The following TRERF1 variants were observed in gnomAD, a reference collection of about 807,000 sequenced individuals.
TRERF1 encodes transcriptional regulating factor 1.
A neutral mutation model predicts 122.9 loss-of-function variants in TRERF1; 27 were observed. The ratio of observed to expected loss-of-function variants is 0.22; its 90% confidence interval spans 0.16 to 0.30. The LOEUF is 0.30. Among genes scored for constraint, TRERF1 ranks in the 10% least tolerant of loss-of-function variants. The pLI, the probability that TRERF1 is intolerant of heterozygous loss-of-function variation, is 1.00. For missense variants in TRERF1, 1,248 were observed against 1,560.3 expected (o/e 0.80, Z 3.37); for synonymous variants, 636 against 641.7 (o/e 0.99, Z 0.13).
At chr6:42,230,808 C>T (rs767208918) in intron 17 of TRERF1, among the ~76,000 whole-genome samples, 4 of 152,148 alleles carry the variant, frequency 2.6e-5, no homozygotes, top group Non-Finnish European at 5.9e-5. Context: ...TTCCAGTTCA[C>T]TTTGGTGGGT....
downstream of TRERF1, chr6:42,224,942 A>G (rs1399700730): frequency 6.6e-6 from 1 of 152,218 alleles, no homozygotes; most frequent in Non-Finnish European, 1.5e-5. Flanking sequence ...AACGCAAAAG[A>G]TTAATATTTT....
intron 3 of TRERF1, among the ~76,000 whole-genome samples, chr6:42,336,133 T>C (rs1188841583): frequency 6.6e-6 from 1 of 152,174 alleles, no homozygotes; most frequent in African/African-American, 2.4e-5. Context: ...AAGGCCTGTT[T>C]TGTGCTGCAG....
chr6:42,393,299 A>G lies in TRERF1; in HGVS notation c.-453-30220T>C, dbSNP rs1778063836. On this transcript the variant is annotated intron_variant, in intron 2 of 17. Coordinates refer to ENST00000372922, the Ensembl canonical transcript of TRERF1. This position sits in a 1 kb window ranked among gnomAD's most constrained non-coding sequence, Gnocchi z 4.1. ...GCAGATAAATAAACTGGGTTTCAAAAAAGTACCACAAATTTTTCACTGTCA... is the reference window on the plus strand; with the variant it reads ...GCAGATAAATAAACTGGGTTTCAAAGAAGTACCACAAATTTTTCACTGTCA... 1.3e-5 allele frequency among the ~76,000 whole-genome samples: 2 copies of G among 152,214 alleles called. No individual in the cohort carries two copies. The highest frequency in any genetic ancestry group is 1.9e-4 in the East Asian group (1 of 5,196).
chr6:42,430,929 C>T (rs1784404407), intron 2 of TRERF1, among the ~76,000 whole-genome samples: 2 of 140,918 alleles, frequency 1.4e-5, no homozygotes, highest in African/African-American at 5.4e-5. Context: ...GGTGTTGTGG[C>T]AGGCAACTGA....
At chr6:42,451,002 GAGGGAAGA>G (rs1387038278) in intron 2 of TRERF1, among the ~76,000 whole-genome samples, 167 bp downstream of exon 2, 3 of 152,084 alleles carry the variant, frequency 2.0e-5, no homozygotes, top group South Asian at 2.1e-4. Flanking sequence ...GCAGCCCGGA[GAGGGAAGA>G]AGGGAAGAAG....
In TRERF1 at chr6:42,259,616, C is replaced by T. The variant is rs922556217; in HGVS notation, c.1992G>A (p.Pro664=). Reference sequence around the variant, plus strand: ...GGTTCGGGTTGTAGGAGGGCGGCGGCGGGATGAAGAGAGGTTCCGGCCGGT... The same window carrying T: ...GGTTCGGGTTGTAGGAGGGCGGCGGTGGGATGAAGAGAGGTTCCGGCCGGT... Residue 664 remains proline, a synonymous_variant, in exon 9 of 18, where the codon CCG becomes CCA. Transcript: ENST00000372922. The surrounding 1 kb of genome is among the most constrained non-coding windows in gnomAD (Gnocchi z 4.9). 6.2e-6 allele frequency: 10 copies of T among 1,613,546 alleles called. No homozygotes were observed. The highest frequency in any genetic ancestry group is 8.5e-6 in the Non-Finnish European group (10 of 1,179,942).
chr6:42,364,780 C>T (rs995853422), intron 2 of TRERF1, among the ~76,000 whole-genome samples: 1 of 152,128 alleles, frequency 6.6e-6, no homozygotes, highest in South Asian at 2.1e-4. Flanking sequence ...GCTATGTTAG[C>T]GAAGGCAGAT....
At chr6:42,362,668 C>T (rs547714407) in intron 3 of TRERF1, among the ~76,000 whole-genome samples, 3 of 152,214 alleles carry the variant, frequency 2.0e-5, no homozygotes, top group Non-Finnish European at 4.4e-5. Context: ...CCTTCTACAC[C>T]TCCACTGCAT....
At chr6:42,258,699 T>C (rs940750374) in intron 9 of TRERF1, among the ~76,000 whole-genome samples, 3 of 151,862 alleles carry the variant, frequency 2.0e-5, no homozygotes, top group Admixed American at 6.6e-5. Flanking sequence ...CTCAGTCTCC[T>C]GAGTAGCTGG....
At chr6:42,254,971 T>C (rs948067281) in intron 12 of TRERF1, 45 bp from the exon 13 acceptor site, 6 of 1,588,602 alleles carry the variant, frequency 3.8e-6, no homozygotes, top group African/African-American at 1.3e-5. Context: ...GCAACTGGTC[T>C]GTGTGTCCTA....
Position 42,332,122 on chromosome 6 carries a change from T to C in TRERF1, c.-371+30875A>G, listed in dbSNP as rs138972422. ...CACACCTGGGTACTTTTTGTATTTTTAGTAGAGACAGGGTTTCGCCATGTT... is the reference window on the plus strand; with the variant it reads ...CACACCTGGGTACTTTTTGTATTTTCAGTAGAGACAGGGTTTCGCCATGTT... On this transcript the variant is annotated intron_variant, in intron 3 of 17. Coordinates refer to ENST00000372922, the Ensembl canonical transcript of TRERF1. 2.6e-5 allele frequency among the ~76,000 whole-genome samples: 4 copies of C among 152,318 alleles called. No individual in the cohort carries two copies. In the East Asian group the frequency reaches 7.7e-4, roughly 29 times the overall value.
At chr6:42,387,846 C>T (rs1299220509) in intron 2 of TRERF1, among the ~76,000 whole-genome samples, 1 of 140,674 alleles carries the variant, frequency 7.1e-6, no homozygotes, top group South Asian at 2.1e-4. Flanking sequence ...CTGGCTCTGT[C>T]GTATAGGCAA....
In TRERF1 at chr6:42,355,348, T is replaced by C. The variant is rs191281339; in HGVS notation, c.-371+7649A>G. Among the ~76,000 whole-genome samples the C allele has an allele frequency of 3.0e-3, 461 of 152,334 alleles. 1 individual carries two copies. The highest frequency in any genetic ancestry group is 0.01 in the African/African-American group (435 of 41,580). ...TTATTTGAACAACTTATATGAACCA[T>C]AGGAAAATATATGTATATGAAGCTA... On this transcript the variant is annotated intron_variant, in intron 3 of 17. Coordinates refer to ENST00000372922, the Ensembl canonical transcript of TRERF1.
intron 3 of TRERF1, among the ~76,000 whole-genome samples, chr6:42,340,321 G>A (rs896021425): frequency 1.3e-5 from 2 of 152,120 alleles, no homozygotes; most frequent in African/African-American, 4.8e-5. Context: ...GACTACCTTG[G>A]AGGGAGGGCA....
intron 12 of TRERF1, 42 bp downstream of exon 12, chr6:42,256,686 C>A (rs1296472836): frequency 6.4e-7 from 1 of 1,566,638 alleles, no homozygotes; most frequent in Non-Finnish European, 8.8e-7. Flanking sequence ...TGGGAAAATA[C>A]TCTTCAGGAA....
At chr6:42,267,123 A>C (rs529355251) in intron 5 of TRERF1, among the ~76,000 whole-genome samples, 1 of 152,304 alleles carries the variant, frequency 6.6e-6, no homozygotes, top group South Asian at 2.1e-4. Context: ...CCAGGAGTTC[A>C]AGAGCAGCCT....
chr6:42,399,175 G>A (rs1779036430), intron 2 of TRERF1, among the ~76,000 whole-genome samples: 2 of 152,112 alleles, frequency 1.3e-5, no homozygotes, highest in African/African-American at 4.8e-5. Context: ...AAACTCCAAT[G>A]GAAGAGAAAT....
Position 42,270,810 on chromosome 6 carries a change from T to A in TRERF1, c.-258-962A>T, listed in dbSNP as rs184648961. On this transcript the variant is annotated intron_variant, in intron 4 of 17. Transcript: ENST00000372922. The stretch of plus-strand genomic sequence containing the variant: ...TTTTTTGAGATGGAGTCTCGCTCTG[T>A]TGCCCAGGCTGGAGAGCAATGATGC... Among the ~76,000 whole-genome samples the A allele has an allele frequency of 4.1e-5, 6 of 147,756 alleles. No homozygotes were observed. In the East Asian group the frequency reaches 1.2e-3, roughly 30 times the overall value.
At chr6:42,398,648 G>A (rs1007160301) in intron 2 of TRERF1, among the ~76,000 whole-genome samples, 4 of 152,148 alleles carry the variant, frequency 2.6e-5, no homozygotes, top group African/African-American at 9.7e-5. Flanking sequence ...CAAACCTTCT[G>A]GGCCTGGCAC....
Sources: allele counts gnomAD v4.1 joint callset (sites outside exome capture counted in the v4.1 genomes callset), GRCh38; gene constraint gnomAD v4.1.1; non-coding constraint Gnocchi (gnomAD v3.1); transcripts MANE v1.5; gene names NCBI Gene and HGNC (gene_info 2026-07-23, HGNC 2026-07-21).